The following STK3 variants were observed in gnomAD, a reference collection of about 807,000 sequenced individuals.
STK3 encodes serine/threonine kinase 3, also known as serine/threonine-protein kinase 3.
In STK3, 41 loss-of-function variants were observed where a neutral mutation model predicts 58.0. The observed-to-expected ratio is 0.71, with a 90% CI of 0.55 to 0.92. The LOEUF is 0.92. STK3 is among the 40% of genes least tolerant of loss of function. The pLI is 0.00. For missense variants in STK3, 479 were observed against 602.7 expected, an observed-to-expected ratio of 0.79 and a Z score of 2.15; for synonymous variants, 170 against 191.0, an observed-to-expected ratio of 0.89 and a Z score of 0.91.
chr8:98,940,939 C>T (rs143549804), intron 1 of STK3, among the ~76,000 whole-genome samples: 190 of 152,378 alleles, frequency 1.2e-3, no homozygotes, highest in Non-Finnish European at 2.1e-3. Context: ...TAGGCCCAGG[C>T]CCTCTCCACA....
Position 98,501,818 on chromosome 8 carries a change from T to C in STK3, c.1317+24924A>G, listed in dbSNP as rs558511113. On this transcript the variant is annotated intron_variant, in intron 10 of 10. Coordinates refer to ENST00000419617, the MANE Select transcript of STK3 (RefSeq NM_006281.4). Reference sequence around the variant, plus strand: ...TTTCAGTTACTGTAGCCTTGTAGTATAGTTTGAAGTCAGGTAGCGTGATGC... The same window carrying C: ...TTTCAGTTACTGTAGCCTTGTAGTACAGTTTGAAGTCAGGTAGCGTGATGC... Among the ~76,000 whole-genome samples, 19 of 152,386 alleles carry C rather than the reference T, an allele frequency of 1.2e-4. 1 individual carries two copies. In the East Asian group the frequency reaches 3.7e-3, roughly 29 times the overall value.
intron 10 of STK3, among the ~76,000 whole-genome samples, chr8:98,457,179 T>C (rs1819557057): frequency 6.6e-6 from 1 of 152,240 alleles, no homozygotes; most frequent in South Asian, 2.1e-4. Flanking sequence ...GCTTTTAATA[T>C]TATGCCATAA....
At chr8:98,462,443 G>C (rs1312727869) in intron 10 of STK3, among the ~76,000 whole-genome samples, 2 of 151,964 alleles carry the variant, frequency 1.3e-5, no homozygotes, top group Non-Finnish European at 2.9e-5. Context: ...GCTGTGCATG[G>C]GCCTATCTTG....
chr8:98,653,245 C>T (rs562597338), intron 6 of STK3, among the ~76,000 whole-genome samples: 6 of 152,142 alleles, frequency 3.9e-5, no homozygotes, highest in Non-Finnish European at 7.4e-5. Flanking sequence ...GGGTACATAA[C>T]GAAATGAAGG....
chr8:98,857,682 A>T (rs549216648), intron 3 of STK3, among the ~76,000 whole-genome samples: 1 of 152,214 alleles, frequency 6.6e-6, no homozygotes, highest in African/African-American at 2.4e-5. Context: ...AAAACTTCTA[A>T]AAGTGACATC....
At chr8:98,638,981 T>G (rs568646724) in intron 6 of STK3, among the ~76,000 whole-genome samples, 1 of 152,330 alleles carries the variant, frequency 6.6e-6, no homozygotes, top group Non-Finnish European at 1.5e-5. Flanking sequence ...TAAAATGGGC[T>G]TATGGTCTGA....
intron 1 of STK3, among the ~76,000 whole-genome samples, chr8:98,893,624 AAG>A (rs897500217): frequency 2.0e-5 from 3 of 151,770 alleles, no homozygotes; most frequent in Non-Finnish European, 2.9e-5. Flanking sequence ...AGGAAGGAAA[AAG>A]AACTTAAAAA....
intron 8 of STK3, among the ~76,000 whole-genome samples, chr8:98,552,110 T>C (rs1459149456): frequency 6.6e-6 from 1 of 152,166 alleles, no homozygotes. Flanking sequence ...AAGTTGGAGA[T>C]GTAAGCTCAC....
At chr8:98,426,970 G>T (rs1213509971) in intron 3 of STK3, 1 of 150,628 alleles carries the variant, frequency 6.6e-6, no homozygotes, top group Non-Finnish European at 1.5e-5. Context: ...ACCGCGCCGC[G>T]CCCCGCGCAG....
intron 4 of STK3, among the ~76,000 whole-genome samples, chr8:98,729,721 G>A (rs1160023088): frequency 1.3e-5 from 2 of 152,142 alleles, no homozygotes; most frequent in African/African-American, 4.8e-5. Flanking sequence ...TTAAATACAT[G>A]TAATCTTTAT....
At chr8:98,551,313 C>A (rs1769234608) in intron 8 of STK3, among the ~76,000 whole-genome samples, 1 of 152,112 alleles carries the variant, frequency 6.6e-6, no homozygotes, top group Non-Finnish European at 1.5e-5. Flanking sequence ...AATTGTTTTG[C>A]AAAATCTTTT....
intron 7 of STK3, among the ~76,000 whole-genome samples, chr8:98,581,121 T>C (rs1028852218): frequency 4.6e-5 from 7 of 152,202 alleles, no homozygotes; most frequent in Middle Eastern, 3.4e-3. Context: ...CCCATTCAGG[T>C]GGTTATATGC....
chr8:98,758,307 A>G (rs1350134954), intron 3 of STK3, among the ~76,000 whole-genome samples: 2 of 152,252 alleles, frequency 1.3e-5, no homozygotes, highest in Admixed American at 1.3e-4. Flanking sequence ...CTACGAGGCC[A>G]GCATCATTCT....
At chr8:98,941,370 T>C (rs1162319557) in intron 1 of STK3, among the ~76,000 whole-genome samples, 1 of 152,096 alleles carries the variant, frequency 6.6e-6, no homozygotes, top group Non-Finnish European at 1.5e-5. Flanking sequence ...TCCCTACTCC[T>C]CCAGGCTCTG....
chr8:98,616,896 A>G (rs966626282), intron 6 of STK3, among the ~76,000 whole-genome samples: 12 of 151,972 alleles, frequency 7.9e-5, no homozygotes, highest in African/African-American at 2.7e-4. Flanking sequence ...AACATTAGAC[A>G]GATCAACGAG....
chr8:98,709,913 C>A (rs543138068), intron 4 of STK3, among the ~76,000 whole-genome samples: 1 of 140,174 alleles, frequency 7.1e-6, no homozygotes. Context: ...CAAAAGTAAT[C>A]GCAGTTTTTG....
chr8:98,724,559 A>G (rs937768254), intron 4 of STK3, among the ~76,000 whole-genome samples: 1 of 152,238 alleles, frequency 6.6e-6, no homozygotes, highest in Non-Finnish European at 1.5e-5. Flanking sequence ...GAAAGATGAC[A>G]TGATCATATC....
chr8:98,877,072 A>C (rs1184407418), intron 3 of STK3, among the ~76,000 whole-genome samples: 2 of 152,246 alleles, frequency 1.3e-5, no homozygotes, highest in Non-Finnish European at 2.9e-5. Context: ...AGCTAGACTG[A>C]TTAGATAGAT....
chr8:98,869,890 A>G (rs1837305019), intron 3 of STK3, among the ~76,000 whole-genome samples: 1 of 151,308 alleles, frequency 6.6e-6, no homozygotes, highest in African/African-American at 2.4e-5. Flanking sequence ...ACATGTGCAC[A>G]ATGTGCAGGT....
Sources: allele counts gnomAD v4.1 joint callset (sites outside exome capture counted in the v4.1 genomes callset), GRCh38; gene constraint gnomAD v4.1.1; transcripts MANE v1.5; gene names NCBI Gene and HGNC (gene_info 2026-07-23, HGNC 2026-07-21).